FRG1: variants seen among roughly 807,000 people sequenced by gnomAD.
The protein encoded by FRG1 is FSHD region gene 1.
In FRG1, 19 loss-of-function variants were observed where a neutral mutation model predicts 37.0. The ratio of observed to expected loss-of-function variants is 0.51; its 90% confidence interval spans 0.36 to 0.75. The LOEUF (loss-of-function observed/expected upper bound fraction) is 0.75, where lower values mean the gene tolerates loss of function less well. Among genes scored for constraint, FRG1 ranks in the 30% least tolerant of loss-of-function variants. FRG1 has a pLI of 0.00. For synonymous variants in FRG1, 73 were observed against 96.5 expected, an observed-to-expected ratio of 0.76 and a Z score of 1.43; for missense variants, 243 against 301.4, an observed-to-expected ratio of 0.81 and a Z score of 1.44.
chr4:189,949,818 G>A (rs1015443267), intron 2 of FRG1, among the ~76,000 whole-genome samples: 36 of 152,162 alleles, frequency 2.4e-4, no homozygotes, highest in African/African-American at 7.0e-4. Flanking sequence ...GTCTTTAGCT[G>A]AAATTTTAAT....
rs760341841 is a variant in FRG1, at chr4:189,952,233, T to A, written c.205T>A (p.Tyr69Asn). ...AGCCATTGAAATGGATAAGGGAACC[T>A]ATATACATGCACTCGACAATGGTCT... ...TIAIEMDKGT[Y>N]IHALDNGLFT... The change falls in exon 3 of 9, where the codon TAT becomes AAT. Residue 69 changes from tyrosine to asparagine, a missense_variant. Transcript: ENST00000226798. 100 of 1,609,110 alleles carry A rather than the reference T, an allele frequency of 6.2e-5. No individual in the cohort carries two copies. The highest frequency in any genetic ancestry group is 8.3e-5 in the Admixed American group (5 of 59,918).
chr4:189,943,688 G>A (rs953877869), intron 2 of FRG1, among the ~76,000 whole-genome samples: 9 of 152,288 alleles, frequency 5.9e-5, no homozygotes, highest in Admixed American at 1.3e-4. Context: ...ACTCTGAAAT[G>A]AATGAAAATT....
In FRG1 at chr4:189,963,131, TG is replaced by T. The variant is rs1561081572; in HGVS notation, c.*5del. On this transcript the variant is annotated 3_prime_UTR_variant, in exon 9 of 9. Coordinates refer to ENST00000226798, the MANE Select transcript of FRG1 (RefSeq NM_004477.3). ...AAAGCCGACAGATACTGCAAGTGAC[TG>T]GGATTTTTGTTTCTGCCTTATCTTT... is the stretch of plus-strand genomic sequence containing the variant. 3 of 1,611,410 alleles carry T rather than the reference TG, an allele frequency of 1.9e-6. No homozygotes were observed. Among genetic ancestry groups the T allele is most frequent in the Admixed American group, 1.7e-5 (1 of 59,818 alleles).
intron 2 of FRG1, among the ~76,000 whole-genome samples, chr4:189,948,061 C>G (rs1736602347): frequency 1.3e-5 from 2 of 152,168 alleles, no homozygotes; most frequent in Admixed American, 1.3e-4. Flanking sequence ...GAGGGCAAGT[C>G]CATCTTGGCT....
rs756128833 is a variant in FRG1, at chr4:189,941,048, G to A, written c.39G>A (p.Val13=). Residue 13 remains valine (V), a synonymous_variant, in exon 1 of 9, where the codon GTG becomes GTA. Coordinates refer to ENST00000226798, the MANE Select transcript of FRG1 (RefSeq NM_004477.3). ...EYSYVKSTKL[V]LKGTKTKSKK... Reference sequence around the variant, plus strand: ...CCTACGTGAAGTCTACCAAGCTCGTGCTCAAGGGAACCAAGACGAAGAGGT... The same window carrying A: ...CCTACGTGAAGTCTACCAAGCTCGTACTCAAGGGAACCAAGACGAAGAGGT... 60 of 1,614,158 alleles carry A rather than the reference G, an allele frequency of 3.7e-5. No homozygotes were observed. The East Asian group carries it at 4.5e-4, about 12-fold the overall frequency.
intron 1 of FRG1, among the ~76,000 whole-genome samples, chr4:189,942,711 G>T (rs1736367962): frequency 6.6e-6 from 1 of 152,106 alleles, no homozygotes; most frequent in South Asian, 2.1e-4. Context: ...TTTCCCTTGG[G>T]TATACATACT....
chr4:189,943,100 T>G, intron 1 of FRG1, 102 bp from the exon 2 acceptor site: 2 of 1,290,744 alleles, frequency 1.5e-6, no homozygotes, highest in South Asian at 1.7e-5. Context: ...AATCAATAAT[T>G]TATAAATGAA....
chr4:189,942,986 G>C (rs969158828), intron 1 of FRG1, among the ~76,000 whole-genome samples: 2 of 152,192 alleles, frequency 1.3e-5, no homozygotes, highest in African/African-American at 4.8e-5. Flanking sequence ...AAATCTGGCA[G>C]TGTGGCTCTA....
chr4:189,953,197 G>A (rs150785944), intron 4 of FRG1, 72 bp downstream of exon 4: 2 of 1,483,184 alleles, frequency 1.3e-6, no homozygotes, highest in Admixed American at 2.7e-5. Flanking sequence ...AAAAATTTTA[G>A]TATCTGTCTT....
intron 2 of FRG1, among the ~76,000 whole-genome samples, chr4:189,947,531 G>A (rs1441281648): frequency 6.6e-6 from 1 of 152,174 alleles, no homozygotes; most frequent in Non-Finnish European, 1.5e-5. Flanking sequence ...TCTTAGTCTA[G>A]GAAAGGTTCA....
chr4:189,956,614 C>T (rs780651457), intron 5 of FRG1, among the ~76,000 whole-genome samples: 9 of 152,118 alleles, frequency 5.9e-5, no homozygotes, highest in Non-Finnish European at 1.2e-4. Context: ...CCCTTGTGAC[C>T]TTGACTAAGA....
rs80277054 is a variant in FRG1, at chr4:189,947,268, G to A, written c.133+3996G>A. Among the ~76,000 whole-genome samples, 19 of 152,208 alleles carry A rather than the reference G, an allele frequency of 1.2e-4. No individual in the cohort carries two copies. In the South Asian group the frequency reaches 3.1e-3, roughly 25 times the overall value. ...TGATAGTTATGTTAAAATCTCCAGC[G>A]GTAATTCTAGATCTGTCTACTTGAG... On this transcript the variant is annotated intron_variant, in intron 2 of 8. Coordinates refer to ENST00000226798, the MANE Select transcript of FRG1 (RefSeq NM_004477.3).
chr4:189,962,653 T>G (rs1211383103), intron 8 of FRG1, among the ~76,000 whole-genome samples: 3 of 152,170 alleles, frequency 2.0e-5, no homozygotes, highest in Non-Finnish European at 2.9e-5. Flanking sequence ...TAAATAATGT[T>G]AAGAATTTTT....
intron 8 of FRG1, among the ~76,000 whole-genome samples, chr4:189,962,725 A>C (rs1434939365): frequency 6.6e-6 from 1 of 152,220 alleles, no homozygotes; most frequent in African/African-American, 2.4e-5. Flanking sequence ...TATAAAATAT[A>C]ATCAGGATGT....
intron 2 of FRG1, among the ~76,000 whole-genome samples, chr4:189,949,810 C>T (rs1736677740): frequency 6.6e-6 from 1 of 152,050 alleles, no homozygotes; most frequent in Non-Finnish European, 1.5e-5. Flanking sequence ...TTTTAATTGT[C>T]TTTAGCTGAA....
intron 2 of FRG1, among the ~76,000 whole-genome samples, chr4:189,946,231 T>C (rs919064913): frequency 1.3e-5 from 2 of 151,888 alleles, no homozygotes; most frequent in Non-Finnish European, 2.9e-5. Flanking sequence ...ATTCAATCTT[T>C]TAGCTTCCCT....
At chr4:189,943,443 G>C (rs944731264) in intron 2 of FRG1, among the ~76,000 whole-genome samples, 171 bp downstream of exon 2, 10 of 152,106 alleles carry the variant, frequency 6.6e-5, no homozygotes, top group Admixed American at 2.0e-4. Flanking sequence ...AGATGCTACT[G>C]ATGCCTTTAC....
At chr4:189,946,126 T>C (rs1393277269) in intron 2 of FRG1, among the ~76,000 whole-genome samples, 1 of 152,182 alleles carries the variant, frequency 6.6e-6, no homozygotes, top group African/African-American at 2.4e-5. Flanking sequence ...GTGTTTTTGC[T>C]ATGTTTTCCT....
intron 2 of FRG1, among the ~76,000 whole-genome samples, chr4:189,951,487 C>A (rs1736749909): frequency 9.2e-6 from 1 of 109,102 alleles, no homozygotes. Flanking sequence ...GAGTCTCCGT[C>A]TCAAAAAAAA....
Sources: gnomAD v4.1 joint callset for allele counts (sites outside exome capture counted in the v4.1 genomes callset) on GRCh38, gnomAD v4.1.1 for gene constraint, MANE v1.5 for transcripts, NCBI Gene and HGNC (gene_info 2026-07-23, HGNC 2026-07-21) for gene names.